The following ZMYM5 variants were observed in gnomAD, a reference collection of about 807,000 sequenced individuals.
ZMYM5 encodes zinc finger MYM-type containing 5.
In ZMYM5, 41 loss-of-function variants were observed where a neutral mutation model predicts 61.8. That is an observed-to-expected ratio of 0.66 (90% CI 0.52 to 0.86). The LOEUF (loss-of-function observed/expected upper bound fraction) is 0.86, where lower values mean the gene tolerates loss of function less well. Ranked by LOEUF, ZMYM5 falls within the 40% of genes least tolerant of loss-of-function variation. The pLI, the probability that ZMYM5 is intolerant of heterozygous loss-of-function variation, is 0.00. For missense variants in ZMYM5, 706 were observed against 786.7 expected (o/e 0.90, Z 1.23); for synonymous variants, 257 against 276.4 (o/e 0.93, Z 0.70).
At chr13:19,858,683 G>A (rs1173942277) in intron 2 of ZMYM5, among the ~76,000 whole-genome samples, 1 of 151,060 alleles carries the variant, frequency 6.6e-6, no homozygotes, top group Admixed American at 6.6e-5. Flanking sequence ...CACAAGGAAA[G>A]GAAGAATAAG....
intron 4 of ZMYM5, among the ~76,000 whole-genome samples, chr13:19,848,494 C>T (rs1055615876): frequency 6.6e-6 from 1 of 151,370 alleles, no homozygotes; most frequent in Admixed American, 6.6e-5. Context: ...GTTGCCCAGA[C>T]TGGACTCAAA....
At chr13:19,839,855 A>G (rs1333733438) in intron 4 of ZMYM5, among the ~76,000 whole-genome samples, 1 of 152,240 alleles carries the variant, frequency 6.6e-6, no homozygotes, top group African/African-American at 2.4e-5. Flanking sequence ...GCATTAATAT[A>G]GATTGTGGAT....
intron 4 of ZMYM5, among the ~76,000 whole-genome samples, chr13:19,850,761 C>T (rs985169813): frequency 1.3e-5 from 2 of 151,914 alleles, no homozygotes; most frequent in African/African-American, 4.8e-5. Flanking sequence ...TATCTTTATC[C>T]TTTGATTTTT....
intron 3 of ZMYM5, 35 bp downstream of exon 3, chr13:19,851,654 G>T: frequency 6.4e-7 from 1 of 1,553,668 alleles, no homozygotes; most frequent in South Asian, 1.3e-5. Flanking sequence ...AGTCAATTCT[G>T]TAGTGATACC....
intron 4 of ZMYM5, 152 bp from the exon 5 acceptor site, chr13:19,839,137 G>C: frequency 2.5e-6 from 2 of 810,906 alleles, no homozygotes; most frequent in Non-Finnish European, 3.8e-6. Context: ...CAATCCCAGG[G>C]GGACTATCCA....
At chr13:19,851,066 G>A (rs760047584) in intron 4 of ZMYM5, among the ~76,000 whole-genome samples, 9 of 151,974 alleles carry the variant, frequency 5.9e-5, no homozygotes, top group African/African-American at 1.2e-4. Flanking sequence ...AAAACTAGCC[G>A]AGTGTGGTGG....
chr13:19,861,864 C>T (rs1953777326), intron 2 of ZMYM5, among the ~76,000 whole-genome samples: 1 of 151,284 alleles, frequency 6.6e-6, no homozygotes, highest in Admixed American at 6.6e-5. Context: ...AAAAAAAACC[C>T]GAAAAAACAA....
At chr13:19,861,586 T>C (rs572100471) in intron 2 of ZMYM5, among the ~76,000 whole-genome samples, 32 of 152,216 alleles carry the variant, frequency 2.1e-4, no homozygotes, top group Non-Finnish European at 4.3e-4. Flanking sequence ...GGAATACTAC[T>C]ATGGGAGATA....
In ZMYM5 at chr13:19,863,548, G is replaced by C. The variant is rs550353083; in HGVS notation, c.-177C>G. 6.5e-6 allele frequency: 1 copy of C among 152,946 alleles called. No individual in the cohort carries two copies. The highest frequency in any genetic ancestry group is 1.9e-4 in the East Asian group (1 of 5,170). 9.5% of individuals were successfully genotyped at this position (152,946 alleles called of 1,614,324 possible). A position where few individuals can be genotyped will look rare whatever the true frequency, so the allele number is the denominator to read the frequency against. ...AAGACAGCGGGGATAAGCGTCACCC[G>C]GTTCTGGCTGCGGCTGCGCGGAACG... On this transcript the variant is annotated 5_prime_UTR_variant, in exon 1 of 8. Transcript: ENST00000337963.
intron 6 of ZMYM5, among the ~76,000 whole-genome samples, chr13:19,836,013 G>A (rs1014604735): frequency 1.3e-5 from 2 of 151,966 alleles, no homozygotes; most frequent in East Asian, 1.9e-4. Context: ...TAGTAGAGAC[G>A]GGGTTTCACC....
chr13:19,829,633 G>A (rs150415575), intron 7 of ZMYM5, among the ~76,000 whole-genome samples: 10 of 152,170 alleles, frequency 6.6e-5, no homozygotes, highest in Non-Finnish European at 1.5e-4. Context: ...TGCCCAGGAG[G>A]AGTACAGTGG....
chr13:19,851,771 C>A lies in ZMYM5; in HGVS notation c.410G>T (p.Cys137Phe), dbSNP rs9579717. The change falls in exon 3 of 8, where the codon TGT becomes TTT. Residue 137 changes from cysteine (C) to phenylalanine (F), a missense_variant. Cys to Phe is a radical substitution (Grantham distance 205, BLOSUM62 -2). Around this residue, in one of 2 missense-constraint regions of ZMYM5, gnomAD observed 480 missense variants for 461.7 expected, o/e 1.04. Transcript: ENST00000337963. ...TCCAGGAAGTCCCCATTCGATAAAA[C>A]AGGAAGACTTTTTCTCTGCTCCTCC... ...TNGGAEKKSS[C>F]FIEWGLPGTK... The A allele has an allele frequency of 0.073, 117,972 of 1,605,792 alleles. 4,940 individuals are homozygous for A. Among genetic ancestry groups the A allele is most frequent in the Middle Eastern group, 0.17 (1,019 of 5,996 alleles).
At chr13:19,833,331 G>T (rs1471100644) in intron 7 of ZMYM5, among the ~76,000 whole-genome samples, 1 of 152,030 alleles carries the variant, frequency 6.6e-6, no homozygotes, top group African/African-American at 2.4e-5. Flanking sequence ...AATGAAAAGG[G>T]GTCAAGGCTC....
At chr13:19,836,224 CAAT>C (rs1032350854) in intron 6 of ZMYM5, among the ~76,000 whole-genome samples, 6 of 151,608 alleles carry the variant, frequency 4.0e-5, no homozygotes, top group Non-Finnish European at 5.9e-5. Context: ...GCAATAAAAT[CAAT>C]AATAACTTCC....
At chr13:19,850,358 G>A (rs896550847) in intron 4 of ZMYM5, among the ~76,000 whole-genome samples, 3 of 152,134 alleles carry the variant, frequency 2.0e-5, no homozygotes, top group Non-Finnish European at 4.4e-5. Context: ...CCAGCACTTG[G>A]GGAGGCTGAG....
intron 4 of ZMYM5, among the ~76,000 whole-genome samples, chr13:19,846,206 G>A (rs1357542775): frequency 2.0e-5 from 3 of 152,132 alleles, no homozygotes; most frequent in Non-Finnish European, 2.9e-5. Flanking sequence ...TTTAGCCTTT[G>A]ACATCTTAAT....
chr13:19,851,370 T>C lies in ZMYM5; in HGVS notation c.571A>G (p.Thr191Ala), dbSNP rs754054221. ...GDLFQNGEFA[T>A]HHSPDSWISQ... ...TACTGCTTACCAGGACTATGATGAG[T>C]TGCAAATTCTCCATTCTGAAATAAG... Residue 191 changes from threonine (T) to alanine (A), a missense_variant, in exon 4 of 8, where the codon ACT becomes GCT. Coordinates refer to ENST00000337963, the MANE Select transcript of ZMYM5 (RefSeq NM_001142684.2). 7 of 1,613,800 alleles carry C rather than the reference T, an allele frequency of 4.3e-6. No homozygotes were observed. The African/African-American group carries it at 8.0e-5, about 18-fold the overall frequency.
intron 4 of ZMYM5, among the ~76,000 whole-genome samples, chr13:19,840,241 T>A (rs1326118086): frequency 6.6e-6 from 1 of 152,106 alleles, no homozygotes. Context: ...GGTTTAAGAC[T>A]CAGCCTAGGC....
At chr13:19,851,666 CT>C (rs1318095060) in intron 3 of ZMYM5, 22 bp downstream of exon 3, 1 of 1,557,010 alleles carries the variant, frequency 6.4e-7, no homozygotes, top group Non-Finnish European at 8.6e-7. Flanking sequence ...AGTGATACCA[CT>C]ATTACCCATT....
Sources: gnomAD v4.1 joint callset for allele counts (sites outside exome capture counted in the v4.1 genomes callset) on GRCh38, gnomAD v4.1.1 for gene constraint, gnomAD v4.1.1 regional missense constraint, MANE v1.5 for transcripts, NCBI Gene and HGNC (gene_info 2026-07-23, HGNC 2026-07-21) for gene names.